RERG: variants seen among roughly 807,000 people sequenced by gnomAD.
The protein encoded by RERG is ras-related and estrogen-regulated growth inhibitor.
RERG carries 25 observed loss-of-function variants against 23.2 expected under a neutral mutation model. The observed-to-expected ratio is 1.08, with a 90% CI of 0.79 to 1.50. The LOEUF is 1.50. Among genes scored for constraint, RERG ranks in the 40% most tolerant of loss-of-function variants. The pLI, the probability that RERG is intolerant of heterozygous loss-of-function variation, is 0.00. For synonymous variants in RERG, 81 were observed against 89.1 expected (o/e 0.91, Z 0.51); for missense variants, 253 against 250.1 (o/e 1.01, Z -0.08).
intron 1 of RERG, among the ~76,000 whole-genome samples, chr12:15,219,721 A>T (rs1865489333): frequency 6.6e-6 from 1 of 152,238 alleles, no homozygotes. Flanking sequence ...AAGTGTCTGC[A>T]GCTAGTATAA....
intron 2 of RERG, among the ~76,000 whole-genome samples, chr12:15,210,647 C>T (rs1166094390): frequency 6.6e-6 from 1 of 152,024 alleles, no homozygotes; most frequent in African/African-American, 2.4e-5. Flanking sequence ...CCTGGGCATA[C>T]AAGAAAGGTC....
intron 2 of RERG, among the ~76,000 whole-genome samples, chr12:15,194,115 C>A (rs969872492): frequency 1.3e-5 from 2 of 152,076 alleles, no homozygotes; most frequent in African/African-American, 4.8e-5. Context: ...GTTTTGAGAA[C>A]CTTCAGGGGA....
chr12:15,213,522 C>T (rs1865397268), intron 2 of RERG, among the ~76,000 whole-genome samples: 1 of 152,200 alleles, frequency 6.6e-6, no homozygotes, highest in African/African-American at 2.4e-5. Flanking sequence ...ACTGTACTAT[C>T]CCTATGCCAG....
intron 2 of RERG, among the ~76,000 whole-genome samples, chr12:15,142,465 C>T (rs1404502598): frequency 1.5e-5 from 2 of 137,332 alleles, no homozygotes; most frequent in African/African-American, 3.0e-5. Flanking sequence ...ATTTTGTTCT[C>T]TCTGTTTGGA....
At chr12:15,155,825 G>A (rs1224829130) in intron 2 of RERG, among the ~76,000 whole-genome samples, 1 of 151,478 alleles carries the variant, frequency 6.6e-6, no homozygotes, top group South Asian at 2.1e-4. Context: ...CTTTTGTGCT[G>A]TAAACCATTT....
intron 2 of RERG, among the ~76,000 whole-genome samples, chr12:15,209,617 T>C (rs1865340136): frequency 6.6e-6 from 1 of 152,222 alleles, no homozygotes; most frequent in Non-Finnish European, 1.5e-5. Context: ...TTTTGGTTGA[T>C]AACACACCTG....
At chr12:15,168,499 A>G (rs934564703) in intron 2 of RERG, among the ~76,000 whole-genome samples, 3 of 152,218 alleles carry the variant, frequency 2.0e-5, no homozygotes, top group African/African-American at 7.2e-5. Context: ...ATGAGATAAC[A>G]CAAGTGAGAG....
intron 2 of RERG, among the ~76,000 whole-genome samples, chr12:15,123,989 A>G (rs975838217): frequency 2.0e-5 from 3 of 152,154 alleles, no homozygotes; most frequent in African/African-American, 7.2e-5. Context: ...CCTTTTGCCT[A>G]ATTTACAACC....
rs561022919 is a variant in RERG, at chr12:15,194,216, G to C, written c.61+23213C>G. 4.6e-5 allele frequency among the ~76,000 whole-genome samples: 7 copies of C among 152,258 alleles called. No individual in the cohort carries two copies. The East Asian group carries it at 1.4e-3, about 29-fold the overall frequency. Reference sequence around the variant, plus strand: ...GCATGAAAAACTTTTGCAGGGTTCAGGCTGCGCTCTAAATAACAAACACTG... The same window carrying C: ...GCATGAAAAACTTTTGCAGGGTTCACGCTGCGCTCTAAATAACAAACACTG... On this transcript the variant is annotated intron_variant, in intron 2 of 4. Coordinates refer to ENST00000256953, the MANE Select transcript of RERG (RefSeq NM_032918.3).
intron 2 of RERG, among the ~76,000 whole-genome samples, chr12:15,206,396 A>G (rs1428925451): frequency 2.6e-5 from 4 of 152,086 alleles, no homozygotes; most frequent in Admixed American, 2.6e-4. Flanking sequence ...AGGGCATGGC[A>G]CTCAATGCGC....
At chr12:15,174,496 GTA>G (rs60183035) in intron 2 of RERG, among the ~76,000 whole-genome samples, 1 of 150,254 alleles carries the variant, frequency 6.7e-6, no homozygotes, top group Non-Finnish European at 1.5e-5. Context: ...GTGTGTGTGT[GTA>G]TATATATATA....
intron 2 of RERG, among the ~76,000 whole-genome samples, chr12:15,194,509 T>TG (rs1555129753): frequency 1.2e-4 from 18 of 146,930 alleles, no homozygotes; most frequent in Admixed American, 1.2e-3. Context: ...CCGATCTCCC[T>TG]AAAAAAAAAA....
chr12:15,152,068 A>C (rs1864452380), intron 2 of RERG: 4 of 152,216 alleles, frequency 2.6e-5, no homozygotes, highest in Non-Finnish European at 4.4e-5. Flanking sequence ...TAAATTGCAA[A>C]AGGTAAATGC....
At chr12:15,203,190 C>A (rs983896525) in intron 2 of RERG, among the ~76,000 whole-genome samples, 5 of 151,622 alleles carry the variant, frequency 3.3e-5, no homozygotes, top group Non-Finnish European at 3.0e-5. Flanking sequence ...TTTTGCTGAG[C>A]TGTAGGAGTG....
At chr12:15,195,598 T>TGTGTGC (rs1865133867) in intron 2 of RERG, among the ~76,000 whole-genome samples, 1 of 147,652 alleles carries the variant, frequency 6.8e-6, no homozygotes, top group African/African-American at 2.5e-5. Flanking sequence ...TGTGTGTGTG[T>TGTGTGC]GTGCATGTGT....
At chr12:15,199,562 C>T (rs1865189691) in intron 2 of RERG, among the ~76,000 whole-genome samples, 1 of 151,900 alleles carries the variant, frequency 6.6e-6, no homozygotes, top group South Asian at 2.1e-4. Context: ...ATATTGAACC[C>T]CTTGGTATCT....
At chr12:15,172,604 G>T (rs953108748) in intron 2 of RERG, among the ~76,000 whole-genome samples, 1 of 152,006 alleles carries the variant, frequency 6.6e-6, no homozygotes, top group African/African-American at 2.4e-5. Flanking sequence ...CATTATTTGA[G>T]AGTCGCAGTT....
At chr12:15,220,723 G>A (rs1193443698) in intron 1 of RERG, among the ~76,000 whole-genome samples, 1 of 152,112 alleles carries the variant, frequency 6.6e-6, no homozygotes, top group Non-Finnish European at 1.5e-5. Context: ...AAAGACCCTA[G>A]TCTAGGCCTG....
intron 1 of RERG, among the ~76,000 whole-genome samples, chr12:15,218,943 T>G (rs1397477881): frequency 6.6e-6 from 1 of 152,080 alleles, no homozygotes; most frequent in African/African-American, 2.4e-5. Context: ...CGGTGTAAAT[T>G]CCCTGAGATT....
Sources: allele counts gnomAD v4.1 joint callset (sites outside exome capture counted in the v4.1 genomes callset), GRCh38; gene constraint gnomAD v4.1.1; transcripts MANE v1.5; gene names NCBI Gene and HGNC (gene_info 2026-07-23, HGNC 2026-07-21).